TNIP2: variants seen among roughly 807,000 people sequenced by gnomAD.
TNIP2 encodes TNFAIP3 interacting protein 2.
In TNIP2, 30 loss-of-function variants were observed where a neutral mutation model predicts 43.7. The ratio of observed to expected loss-of-function variants is 0.69; its 90% CI spans 0.51 to 0.93. The LOEUF (loss-of-function observed/expected upper bound fraction) is 0.93. Ranked by LOEUF, TNIP2 falls within the 40% of genes least tolerant of loss-of-function variation. The probability of loss-of-function intolerance (pLI) is 0.00; values close to 1 mark genes in which losing one functional copy is unlikely to be tolerated. For missense variants in TNIP2, 599 were observed against 591.0 expected (o/e 1.01, Z -0.14); for synonymous variants, 260 against 254.6 (o/e 1.02, Z -0.20).
rs375288939 is a variant in TNIP2 at position 2,744,552 on chromosome 4, C to T, written c.907-46G>A. ...CATTTCTGCTCAAGGAAGGAGGAAGCGCCCCACCAGGCTTCTCCCACCCCC... is the reference window on the plus strand; with the variant it reads ...CATTTCTGCTCAAGGAAGGAGGAAGTGCCCCACCAGGCTTCTCCCACCCCC... On this transcript the variant is annotated intron_variant, in intron 4 of 5. Transcript: ENST00000315423. This position sits in a 1 kb window ranked among gnomAD's most constrained non-coding sequence, Gnocchi z 5.1. The T allele has an allele frequency of 2.0e-5, 33 of 1,611,834 alleles. No homozygotes were observed. The Admixed American group carries it at 2.7e-4, about 13-fold the overall frequency.
chr4:2,744,066 C>T lies in TNIP2; in HGVS notation c.1026+321G>A, dbSNP rs1468353708. ...CCCGTCTCACAGACAGGTCAGGACACGTAGGGAGCTCACACTTTGAGGCCC... is the reference window on the plus strand; with the variant it reads ...CCCGTCTCACAGACAGGTCAGGACATGTAGGGAGCTCACACTTTGAGGCCC... On this transcript the variant is annotated intron_variant, in intron 5 of 5. Coordinates refer to ENST00000315423, the MANE Select transcript of TNIP2 (RefSeq NM_024309.4). This position sits in a 1 kb window ranked among gnomAD's most constrained non-coding sequence, Gnocchi z 5.1. Among the ~76,000 whole-genome samples the T allele has an allele frequency of 1.3e-5, 2 of 152,196 alleles. No individual in the cohort carries two copies. Among genetic ancestry groups the T allele is most frequent in the African/African-American group, 2.4e-5 (1 of 41,452 alleles).
chr4:2,745,571 CACAT>C (rs1560644169), intron 2 of TNIP2, 36 bp from the exon 3 acceptor site: 3 of 1,483,694 alleles, frequency 2.0e-6, no homozygotes, highest in Non-Finnish European at 1.9e-6. Flanking sequence ...GACACTCTGT[CACAT>C]ACAGCAAGAG....
chr4:2,752,683 C>A (rs560895432), intron 1 of TNIP2, among the ~76,000 whole-genome samples: 1 of 152,338 alleles, frequency 6.6e-6, no homozygotes, highest in East Asian at 1.9e-4. Flanking sequence ...CCTCTCCATT[C>A]TTCCACAGGT....
Position 2,744,328 on chromosome 4 carries a change from TGAG to T in TNIP2, c.1026+56_1026+58del. 3.1e-6 allele frequency: 5 copies of T among 1,608,414 alleles called. No individual in the cohort carries two copies. The highest frequency in any genetic ancestry group is 4.2e-6 in the Non-Finnish European group (5 of 1,176,488). ...CAGACACAGAAAGGCTCTAATCTCA[TGAG>T]AAGAGAAACAAAAACACTAAACCTA... On this transcript the variant is annotated intron_variant, in intron 5 of 5. Coordinates refer to ENST00000315423, the MANE Select transcript of TNIP2 (RefSeq NM_024309.4). The surrounding 1 kb of genome is among the most constrained non-coding windows in gnomAD (Gnocchi z 5.1).
At chr4:2,752,957 C>CGG (rs1303923398) in intron 1 of TNIP2, among the ~76,000 whole-genome samples, 3 of 151,774 alleles carry the variant, frequency 2.0e-5, no homozygotes, top group African/African-American at 7.3e-5. Context: ...CCTAGACACT[C>CGG]GGGAGGCTGT....
In TNIP2 at chr4:2,742,244, G is replaced by C; in HGVS notation, c.*13C>G. 2 of 1,460,116 alleles carry C rather than the reference G, an allele frequency of 1.4e-6. 1 individual carries two copies. Among genetic ancestry groups the C allele is most frequent in the South Asian group, 2.9e-5 (2 of 67,880 alleles). The allele number at this position is 1,460,116 out of a possible 1,614,324, so 90.4% of individuals were successfully genotyped here. ...CCGGGCCAGGAGGCCGCAAGGGCACGGGTGAGTCTCGGTCACTGGCAGCAC... is the reference window on the plus strand; with the variant it reads ...CCGGGCCAGGAGGCCGCAAGGGCACCGGTGAGTCTCGGTCACTGGCAGCAC... On this transcript the variant is annotated 3_prime_UTR_variant, in exon 6 of 6. Transcript: ENST00000315423.
rs1722001971 is a variant in TNIP2 at position 2,748,077 on chromosome 4, G to A, written c.277-132C>T. 4 of 982,616 alleles carry A rather than the reference G, an allele frequency of 4.1e-6. No homozygotes were observed. In the South Asian group the frequency reaches 6.7e-5, roughly 16 times the overall value. 60.9% of individuals were successfully genotyped at this position (982,616 alleles called of 1,614,324 possible). ...ACACAAACATACTCACTCAGAAGTT[G>A]GGCGTTTGAACTAACAATTACTCAC... On this transcript the variant is annotated intron_variant, in intron 1 of 5. Transcript: ENST00000315423.
chr4:2,743,831 A>C (rs956679506), intron 5 of TNIP2, among the ~76,000 whole-genome samples: 1 of 152,216 alleles, frequency 6.6e-6, no homozygotes, highest in Non-Finnish European at 1.5e-5. Flanking sequence ...AGGAGAAGGA[A>C]GAGGCCATGG....
chr4:2,756,032 G>T lies in TNIP2; in HGVS notation c.258C>A (p.Ala86=). The T allele has an allele frequency of 6.5e-7, 1 of 1,548,756 alleles. No homozygotes were observed. Among genetic ancestry groups the T allele is most frequent in the Non-Finnish European group, 8.6e-7 (1 of 1,159,054 alleles). ...EQLRRQEGGA[A]EAQMRQEIER... is the part of the protein sequence containing the mutation. Reference sequence around the variant, plus strand: ...CTCGTACCTGGCGCATCTGGGCCTCGGCGGCGCCGCCCTCCTGCCTTCGCA... The same window carrying T: ...CTCGTACCTGGCGCATCTGGGCCTCTGCGGCGCCGCCCTCCTGCCTTCGCA... Residue 86 remains alanine (A), a synonymous_variant, in exon 1 of 6, where the codon GCC becomes GCA. Transcript: ENST00000315423.
chr4:2,756,069 A>G lies in TNIP2; in HGVS notation c.221T>C (p.Phe74Ser), dbSNP rs778096541. Residue 74 changes from phenylalanine to serine, a missense_variant, in exon 1 of 6, where the codon TTC becomes TCC. By Grantham distance (155) the Phe-to-Ser change is radical (BLOSUM62 -2). Coordinates refer to ENST00000315423, the MANE Select transcript of TNIP2 (RefSeq NM_024309.4). ...VDALLEQVAR[F>S]REQLRRQEGG... ...CTCCTGCCTTCGCAGCTGCTCCCGG[A>G]AGCGCGCAACCTGCTCCAGCAGCGC... is the stretch of plus-strand genomic sequence containing the variant. 6.5e-7 allele frequency: 1 copy of G among 1,541,736 alleles called. No individual in the cohort carries two copies. The highest frequency in any genetic ancestry group is 8.6e-7 in the Non-Finnish European group (1 of 1,156,170).
chr4:2,748,890 GCCCAAGCGATT>G (rs1722030707), intron 1 of TNIP2, among the ~76,000 whole-genome samples: 1 of 150,876 alleles, frequency 6.6e-6, no homozygotes, highest in South Asian at 2.1e-4. Flanking sequence ...ACCTCCCCAG[GCCCAAGCGATT>G]CTCCATCCTA....
chr4:2,748,846 T>C (rs1026817700), intron 1 of TNIP2, among the ~76,000 whole-genome samples: 4 of 148,692 alleles, frequency 2.7e-5, no homozygotes, highest in Non-Finnish European at 5.9e-5. Context: ...CAGGCTAGAG[T>C]GCAGTGGCAC....
At chr4:2,745,694 CA>C (rs1477993560) in intron 2 of TNIP2, among the ~76,000 whole-genome samples, 159 bp from the exon 3 acceptor site, 1 of 152,228 alleles carries the variant, frequency 6.6e-6, no homozygotes, top group Non-Finnish European at 1.5e-5. Context: ...GACAAGGGAC[CA>C]CCTTCTCCCT....
chr4:2,744,324 C>T lies in TNIP2; in HGVS notation c.1026+63G>A, dbSNP rs1721877578. 1.2e-6 allele frequency: 2 copies of T among 1,606,072 alleles called. No homozygotes were observed. The highest frequency in any genetic ancestry group is 1.7e-6 in the Non-Finnish European group (2 of 1,175,062). On this transcript the variant is annotated intron_variant, in intron 5 of 5. Transcript: ENST00000315423. This position sits in a 1 kb window ranked among gnomAD's most constrained non-coding sequence, Gnocchi z 5.1. Reference sequence around the variant, plus strand: ...TTGGCAGACACAGAAAGGCTCTAATCTCATGAGAAGAGAAACAAAAACACT... The same window carrying T: ...TTGGCAGACACAGAAAGGCTCTAATTTCATGAGAAGAGAAACAAAAACACT...
At position 2,742,291 on chromosome 4, in the gene TNIP2, T is replaced by C. The variant is rs913817815; in HGVS notation, c.1256A>G (p.Glu419Gly). ...LQCFSDEQGEELLRHVAECCQ is the reference protein window; with the variant it reads ...LQCFSDEQGEGLLRHVAECCQ Reference sequence around the variant, plus strand: ...GCACTCAGCCACATGCCTGAGGAGCTCTTCCCCTTGCTCGTCACTGAAGCA... The same window carrying C: ...GCACTCAGCCACATGCCTGAGGAGCCCTTCCCCTTGCTCGTCACTGAAGCA... The change falls in exon 6 of 6, where the codon GAG becomes GGG. Residue 419 changes from glutamate to glycine, a missense_variant. Physicochemically the swap from Glu to Gly is moderately conservative, Grantham distance 98. Transcript: ENST00000315423. 1.7e-5 allele frequency: 26 copies of C among 1,512,486 alleles called. No homozygotes were observed. Among genetic ancestry groups the C allele is most frequent in the Non-Finnish European group, 2.0e-5 (23 of 1,125,802 alleles). 93.7% of individuals were successfully genotyped at this position (1,512,486 alleles called of 1,614,324 possible). A position where few individuals can be genotyped will look rare whatever the true frequency, so the allele number is the denominator to read the frequency against.
At position 2,745,869 on chromosome 4, in the gene TNIP2, T is replaced by C. The variant is rs947188213; in HGVS notation, c.568-334A>G. ...TCTAAAGCCATAATGTCTGCAGGGA[T>C]TGGCACACCAGACATGATAAAGTCT... On this transcript the variant is annotated intron_variant, in intron 2 of 5. Transcript: ENST00000315423. Among the ~76,000 whole-genome samples, 5 of 152,274 alleles carry C rather than the reference T, an allele frequency of 3.3e-5. No individual in the cohort carries two copies. In the South Asian group the frequency reaches 6.2e-4, roughly 19 times the overall value.
In TNIP2 at chr4:2,742,513, C is replaced by A. The variant is rs144921267; in HGVS notation, c.1034G>T (p.Arg345Leu). The change falls in exon 6 of 6, where the codon CGA (arginine) becomes CTA (leucine). Residue 345 changes from arginine (R) to leucine (L), a missense_variant. By Grantham distance (102) the Arg-to-Leu change is moderately radical (BLOSUM62 -2). Coordinates refer to ENST00000315423, the MANE Select transcript of TNIP2 (RefSeq NM_024309.4). ...LHQVSWRQDS[R>L]EPDAGRIHAG... ...GTGAATCCGGCCGGCGTCTGGCTCT[C>A]GAGAATCCTGGAGAAAAGGCAAGGG... 3.2e-6 allele frequency: 5 copies of A among 1,583,938 alleles called. No individual in the cohort carries two copies. Among genetic ancestry groups the A allele is most frequent in the Non-Finnish European group, 3.4e-6 (4 of 1,160,866 alleles).
intron 1 of TNIP2, among the ~76,000 whole-genome samples, chr4:2,749,594 TG>T (rs1722051192): frequency 6.6e-6 from 1 of 152,158 alleles, no homozygotes; most frequent in Non-Finnish European, 1.5e-5. Flanking sequence ...CAAGGATTGG[TG>T]GCCCCCACAG....
At position 2,747,648 on chromosome 4, in the gene TNIP2, G is replaced by A. The variant is rs774874049; in HGVS notation, c.567+7C>T. 1 of 1,592,938 alleles carries A rather than the reference G, an allele frequency of 6.3e-7. No homozygotes were observed. The highest frequency in any genetic ancestry group is 8.5e-7 in the Non-Finnish European group (1 of 1,175,590). On this transcript the variant is annotated splice_region_variant and intron_variant, in intron 2 of 5. Coordinates refer to ENST00000315423, the MANE Select transcript of TNIP2 (RefSeq NM_024309.4). The stretch of plus-strand genomic sequence containing the variant: ...CTTCCCCACACTCTGCTTACACTGT[G>A]GCCTACCTGGTCAGGACTTCTCTCC...
Sources: gnomAD v4.1 joint callset for allele counts (sites outside exome capture counted in the v4.1 genomes callset) on GRCh38, gnomAD v4.1.1 for gene constraint, Gnocchi (gnomAD v3.1) non-coding constraint, MANE v1.5 for transcripts, NCBI Gene and HGNC (gene_info 2026-07-23, HGNC 2026-07-21) for gene names.